SDK1: variants seen among roughly 807,000 people sequenced by gnomAD.
SDK1 encodes sidekick cell adhesion molecule 1.
Under a neutral mutation model 245.5 loss-of-function variants are expected in SDK1, and 157 were observed. The observed-to-expected ratio is 0.64, with a 90% CI of 0.56 to 0.73. SDK1 has a LOEUF of 0.73. Ranked by LOEUF, SDK1 falls within the 30% of genes least tolerant of loss-of-function variation. The pLI is 0.00. For missense variants in SDK1, 3,583 were observed against 3,002.3 expected (o/e 1.19, Z -4.52); for synonymous variants, 1,647 against 1,278.5 (o/e 1.29, Z -6.15).
At chr7:3,496,020 A>G (rs548798625) in intron 1 of SDK1, among the ~76,000 whole-genome samples, 3 of 152,334 alleles carry the variant, frequency 2.0e-5, no homozygotes, top group African/African-American at 7.2e-5. Flanking sequence ...TAAGATCTTA[A>G]TTGTAAAACA....
chr7:4,195,732 C>G (rs1300155747), intron 35 of SDK1, among the ~76,000 whole-genome samples: 3 of 152,178 alleles, frequency 2.0e-5, no homozygotes, highest in Admixed American at 2.0e-4. Flanking sequence ...TCCTTGCCTG[C>G]AGGGCTGCAG....
chr7:3,558,527 C>G (rs1583164551), intron 1 of SDK1, among the ~76,000 whole-genome samples: 1 of 152,146 alleles, frequency 6.6e-6, no homozygotes, highest in African/African-American at 2.4e-5. Context: ...AGTCACTGGG[C>G]AAGAGGCAGT....
chr7:3,335,593 T>C (rs1302998264), intron 1 of SDK1, among the ~76,000 whole-genome samples: 1 of 152,128 alleles, frequency 6.6e-6, no homozygotes, highest in African/African-American at 2.4e-5. Context: ...ATTGGAAGAT[T>C]GAAGGATAAG....
At chr7:4,212,086 C>G (rs1784542896) in intron 38 of SDK1, among the ~76,000 whole-genome samples, 1 of 152,210 alleles carries the variant, frequency 6.6e-6, no homozygotes, top group South Asian at 2.1e-4. Flanking sequence ...GTAATATACA[C>G]AGACAGACTG....
Position 3,987,221 on chromosome 7 carries a change from G to A in SDK1, c.2030G>A (p.Ser677Asn). The change falls in exon 14 of 45, where the codon AGC becomes AAC. Residue 677 changes from serine to asparagine, a missense_variant. Transcript: ENST00000404826. ...CATTCACCTCAGAACCTCCTGGTCAGCCCTAATTCTTCCCACAGCCACGCC... is the reference window on the plus strand; with the variant it reads ...CATTCACCTCAGAACCTCCTGGTCAACCCTAATTCTTCCCACAGCCACGCC... The part of the protein sequence containing the change: ...LPHSPQNLLV[S>N]PNSSHSHAVV... 6.2e-7 allele frequency: 1 copy of A among 1,614,112 alleles called. No individual in the cohort carries two copies. The highest frequency in any genetic ancestry group is 8.5e-7 in the Non-Finnish European group (1 of 1,179,996).
At chr7:3,839,052 A>G (rs976609093) in intron 5 of SDK1, among the ~76,000 whole-genome samples, 1 of 152,152 alleles carries the variant, frequency 6.6e-6, no homozygotes, top group Non-Finnish European at 1.5e-5. Flanking sequence ...TCCAGGGGAT[A>G]TTCAGCAGTG....
chr7:3,828,340 G>A (rs923202252), intron 5 of SDK1, among the ~76,000 whole-genome samples: 2 of 151,520 alleles, frequency 1.3e-5, no homozygotes, highest in African/African-American at 2.4e-5. Context: ...TAACTTAGAA[G>A]GAATTTAAAA....
intron 5 of SDK1, among the ~76,000 whole-genome samples, chr7:3,906,503 A>G (rs919054402): frequency 1.3e-5 from 2 of 151,816 alleles, no homozygotes; most frequent in Admixed American, 6.6e-5. Flanking sequence ...CTTACCATCA[A>G]ATGGTTTCAC....
intron 22 of SDK1, among the ~76,000 whole-genome samples, chr7:4,079,987 G>A (rs112439300): frequency 5.3e-5 from 8 of 152,294 alleles, no homozygotes; most frequent in African/African-American, 1.2e-4. Context: ...TTTTAGAGAC[G>A]ATTGTTCTAT....
intron 13 of SDK1, among the ~76,000 whole-genome samples, chr7:3,977,951 C>G (rs1284243839): frequency 6.6e-6 from 1 of 152,216 alleles, no homozygotes; most frequent in African/African-American, 2.4e-5. Flanking sequence ...TTGATGCTCA[C>G]ATGCCCTGGT....
In SDK1 at chr7:4,194,377, T is replaced by C. The variant is rs1316871917; in HGVS notation, c.5099-11502T>C. Among the ~76,000 whole-genome samples, 3 of 115,792 alleles carry C rather than the reference T, an allele frequency of 2.6e-5. 1 individual carries two copies. Among genetic ancestry groups the C allele is most frequent in the Admixed American group, 2.4e-4 (3 of 12,724 alleles). The allele number at this position is 115,792 out of a possible 152,430, so 76.0% of individuals were successfully genotyped here. ...ATGTATGCACGTATGTGTATACATGTATGTGTATACATGTATACATATATG... is the reference window on the plus strand; with the variant it reads ...ATGTATGCACGTATGTGTATACATGCATGTGTATACATGTATACATATATG... On this transcript the variant is annotated intron_variant, in intron 35 of 44. Coordinates refer to ENST00000404826, the MANE Select transcript of SDK1 (RefSeq NM_152744.4).
At chr7:3,756,336 A>G (rs569250207) in intron 4 of SDK1, among the ~76,000 whole-genome samples, 47 of 150,932 alleles carry the variant, frequency 3.1e-4, no homozygotes, top group Admixed American at 6.6e-4. Flanking sequence ...CGTGTGACAC[A>G]TGCATACCAT....
chr7:3,394,774 T>C (rs1781849809), intron 1 of SDK1, among the ~76,000 whole-genome samples: 1 of 152,094 alleles, frequency 6.6e-6, no homozygotes, highest in Non-Finnish European at 1.5e-5. Context: ...CTATTGTGAA[T>C]GTGTCTCTTA....
chr7:3,480,971 T>G (rs1318786740), intron 1 of SDK1, among the ~76,000 whole-genome samples: 3 of 152,230 alleles, frequency 2.0e-5, no homozygotes, highest in Non-Finnish European at 2.9e-5. Flanking sequence ...GTGTCTCTGG[T>G]AAGCATTATG....
chr7:3,819,094 A>G (rs868727705), intron 4 of SDK1, among the ~76,000 whole-genome samples: 9 of 152,198 alleles, frequency 5.9e-5, no homozygotes, highest in African/African-American at 2.2e-4. Flanking sequence ...TTTTATTTTC[A>G]TTTAAAAAGT....
chr7:3,937,820 C>G (rs1050325380), intron 5 of SDK1, among the ~76,000 whole-genome samples: 7 of 152,084 alleles, frequency 4.6e-5, no homozygotes, highest in African/African-American at 1.7e-4. Context: ...GCATGTTTGG[C>G]AAAATTACTC....
intron 1 of SDK1, among the ~76,000 whole-genome samples, chr7:3,606,436 A>G (rs1781428002): frequency 6.6e-6 from 1 of 152,176 alleles, no homozygotes; most frequent in African/African-American, 2.4e-5. Context: ...AACTTTTGCT[A>G]AAATTTCCCC....
chr7:4,174,790 C>T (rs539642167), intron 33 of SDK1, among the ~76,000 whole-genome samples: 2 of 152,254 alleles, frequency 1.3e-5, no homozygotes, highest in South Asian at 4.1e-4. Flanking sequence ...CTGATTTTGG[C>T]TCTGCCTGCA....
chr7:3,967,545 A>G lies in SDK1; in HGVS notation c.1546+111A>G, dbSNP rs145225911. On this transcript the variant is annotated intron_variant, in intron 10 of 44. Coordinates refer to ENST00000404826, the MANE Select transcript of SDK1 (RefSeq NM_152744.4). ...GTTTATTCACTTATGCATTCACTCAATGAAGATTAAATAACTCTTATTGCA... is the reference window on the plus strand; with the variant it reads ...GTTTATTCACTTATGCATTCACTCAGTGAAGATTAAATAACTCTTATTGCA... The G allele has an allele frequency of 1.2e-3, 847 of 714,044 alleles. 4 individuals carry two copies. The highest frequency in any genetic ancestry group is 0.012 in the African/African-American group (671 of 56,856). 44.2% of individuals were successfully genotyped at this position (714,044 alleles called of 1,614,324 possible). A position where few individuals can be genotyped will look rare whatever the true frequency, so the allele number is the denominator to read the frequency against.
Sources: allele counts gnomAD v4.1 joint callset (sites outside exome capture counted in the v4.1 genomes callset), GRCh38; gene constraint gnomAD v4.1.1; transcripts MANE v1.5; gene names NCBI Gene and HGNC (gene_info 2026-07-23, HGNC 2026-07-21).